CLYBL: variants seen among roughly 807,000 people sequenced by gnomAD.
CLYBL encodes the protein citramalyl-CoA lyase, mitochondrial.
A neutral mutation model predicts 38.9 loss-of-function variants in CLYBL; 31 were observed. That is an observed-to-expected ratio of 0.80 (90% CI 0.60 to 1.08). CLYBL has a LOEUF of 1.08. Ranked by LOEUF, CLYBL falls within the 50% of genes least tolerant of loss-of-function variation. CLYBL has a pLI of 0.00. For synonymous variants in CLYBL, 171 were observed against 158.6 expected (o/e 1.08, Z -0.59); for missense variants, 434 against 411.6 (o/e 1.05, Z -0.47).
At chr13:99,841,999 A>T (rs1161343668) in intron 2 of CLYBL, among the ~76,000 whole-genome samples, 5 of 149,504 alleles carry the variant, frequency 3.3e-5, no homozygotes, top group African/African-American at 1.2e-4. Context: ...TATATTTTCA[A>T]TAGAGACAGG....
chr13:99,882,678 A>G (rs1209474731), intron 7 of CLYBL, among the ~76,000 whole-genome samples: 1 of 151,516 alleles, frequency 6.6e-6, no homozygotes, highest in Non-Finnish European at 1.5e-5. Flanking sequence ...AAAAAAAAGA[A>G]TATTTTGTAA....
intron 2 of CLYBL, among the ~76,000 whole-genome samples, chr13:99,842,444 G>C (rs1444315547): frequency 6.6e-6 from 1 of 152,172 alleles, no homozygotes; most frequent in African/African-American, 2.4e-5. Flanking sequence ...TCAATGAACA[G>C]GCTGCCTCTC....
intron 2 of CLYBL, among the ~76,000 whole-genome samples, chr13:99,820,572 T>C (rs772029391): frequency 4.7e-5 from 7 of 149,706 alleles, no homozygotes; most frequent in Non-Finnish European, 8.9e-5. Context: ...GCAGGGATCA[T>C]TGTCATGTTG....
chr13:99,771,840 C>A (rs1351368429), intron 1 of CLYBL, among the ~76,000 whole-genome samples: 1 of 152,234 alleles, frequency 6.6e-6, no homozygotes, highest in South Asian at 2.1e-4. Context: ...GCTAAAATAT[C>A]TGCCAGGCTC....
At chr13:99,817,956 A>G (rs1348345788) in intron 2 of CLYBL, among the ~76,000 whole-genome samples, 1 of 151,922 alleles carries the variant, frequency 6.6e-6, no homozygotes. Context: ...GTAAGCTGTG[A>G]TCACACCACT....
chr13:99,798,077 A>T (rs1368653500), intron 2 of CLYBL, among the ~76,000 whole-genome samples: 1 of 151,982 alleles, frequency 6.6e-6, no homozygotes, highest in Non-Finnish European at 1.5e-5. Context: ...CCTCTCCTTC[A>T]TCTTGAAACA....
At chr13:99,895,149 T>A (rs2052558631), downstream of CLYBL, 1 of 152,164 alleles carries the variant, frequency 6.6e-6, no homozygotes, top group Admixed American at 6.5e-5. Context: ...CATTCACACT[T>A]TTGCACCCGG....
rs2051643884 is a variant in CLYBL at position 99,862,938 on chromosome 13, C to T, written c.439-53C>T. ...AAATACTACTTCTGGGTCTACATTT[C>T]CGTGATTGTACATTTTTTCCCCACT... On this transcript the variant is annotated intron_variant, in intron 3 of 8. Coordinates refer to ENST00000339105, the MANE Select transcript of CLYBL (RefSeq NM_206808.5). The T allele has an allele frequency of 4.9e-6, 5 of 1,027,524 alleles. No homozygotes were observed. The South Asian group carries it at 5.7e-5, about 12-fold the overall frequency. The allele number at this position is 1,027,524 out of a possible 1,614,324, so 63.7% of individuals were successfully genotyped here.
At chr13:99,742,458 G>A (rs182611419) in intron 1 of CLYBL, among the ~76,000 whole-genome samples, 25 of 152,274 alleles carry the variant, frequency 1.6e-4, no homozygotes, top group Admixed American at 1.6e-3. Context: ...AGAGACTTAT[G>A]CCTGTTGCCA....
chr13:99,689,279 C>T (rs185670770), intron 1 of CLYBL, among the ~76,000 whole-genome samples: 8 of 152,344 alleles, frequency 5.3e-5, no homozygotes, highest in South Asian at 4.1e-4. Flanking sequence ...AGAGGCATCA[C>T]GCTTTCCTTC....
chr13:99,867,371 T>C (rs528949053), intron 6 of CLYBL, among the ~76,000 whole-genome samples: 80 of 152,310 alleles, frequency 5.3e-4, no homozygotes, highest in African/African-American at 1.9e-3. Context: ...AAAAATATCT[T>C]AATGGATGAT....
At chr13:99,779,450 AT>A (rs1474816353) in intron 2 of CLYBL, among the ~76,000 whole-genome samples, 2 of 152,112 alleles carry the variant, frequency 1.3e-5, no homozygotes, top group African/African-American at 4.8e-5. Flanking sequence ...AGTTCTGAGT[AT>A]TTTTTAATTG....
At chr13:99,796,841 TG>T (rs931171650) in intron 2 of CLYBL, among the ~76,000 whole-genome samples, 1 of 152,074 alleles carries the variant, frequency 6.6e-6, no homozygotes, top group Non-Finnish European at 1.5e-5. Context: ...CAAGCAAAAG[TG>T]GGCAGCCCAC....
chr13:99,711,856 C>T (rs2048238747), intron 1 of CLYBL, among the ~76,000 whole-genome samples: 1 of 151,986 alleles, frequency 6.6e-6, no homozygotes, highest in Non-Finnish European at 1.5e-5. Flanking sequence ...GCTGGGATTA[C>T]AGGCGCCCAC....
At chr13:99,668,273 T>C (rs867581658) in intron 1 of CLYBL, among the ~76,000 whole-genome samples, 1 of 145,948 alleles carries the variant, frequency 6.9e-6, no homozygotes, top group African/African-American at 2.6e-5. Context: ...GCCCTTGTCT[T>C]AAAAAAAAAA....
intron 1 of CLYBL, among the ~76,000 whole-genome samples, chr13:99,648,496 T>C (rs1424757363): frequency 1.3e-5 from 2 of 152,270 alleles, no homozygotes; most frequent in African/African-American, 4.8e-5. Flanking sequence ...TTTCTTGCTG[T>C]CAATACCTTA....
intron 1 of CLYBL, among the ~76,000 whole-genome samples, chr13:99,691,129 T>C (rs976847905): frequency 3.3e-5 from 5 of 152,168 alleles, no homozygotes; most frequent in African/African-American, 1.2e-4. Flanking sequence ...GGTAGCCTCA[T>C]CCATAGATGC....
At chr13:99,769,358 A>C (rs756833016) in intron 1 of CLYBL, among the ~76,000 whole-genome samples, 1 of 152,132 alleles carries the variant, frequency 6.6e-6, no homozygotes, top group Non-Finnish European at 1.5e-5. Context: ...AGATTTTGCT[A>C]ATGCAGTTGT....
intron 1 of CLYBL, among the ~76,000 whole-genome samples, chr13:99,626,316 T>G (rs751553470): frequency 6.6e-6 from 1 of 152,190 alleles, no homozygotes; most frequent in Admixed American, 6.5e-5. Context: ...TCCCAGGGGC[T>G]GGGCATGACG....
Sources: gnomAD v4.1 joint callset for allele counts (sites outside exome capture counted in the v4.1 genomes callset) on GRCh38, gnomAD v4.1.1 for gene constraint, MANE v1.5 for transcripts, NCBI Gene and HGNC (gene_info 2026-07-23, HGNC 2026-07-21) for gene names.